PTCHD1: variants seen among roughly 807,000 people sequenced by gnomAD.
PTCHD1 encodes the protein patched domain-containing protein 1.
Under a neutral mutation model 34.6 loss-of-function variants are expected in PTCHD1, and 3 were observed. That is an observed-to-expected ratio of 0.09 (90% confidence interval 0.04 to 0.22). PTCHD1 has a LOEUF of 0.22. PTCHD1 is among the 10% of genes least tolerant of loss of function. The pLI, the probability that PTCHD1 is intolerant of heterozygous loss-of-function variation, is 1.00. For missense variants in PTCHD1, 504 were observed against 685.5 expected (o/e 0.74, Z 2.96); for synonymous variants, 305 against 283.1 (o/e 1.08, Z -0.77).
rs2146660946 is a variant in PTCHD1 at position 23,403,417 on chromosome X, T to C, written c.*9232T>C. On this transcript the variant is annotated 3_prime_UTR_variant, in exon 3 of 3. Coordinates refer to ENST00000379361, the MANE Select transcript of PTCHD1 (RefSeq NM_173495.3). ...ATAAAACCCTACTAGAAAAAAATAA[T>C]AGTCAAACCTAAAGCTTTAAAAAAT... The C allele has an allele frequency of 8.9e-6, 1 of 112,009 alleles. No homozygotes were observed. The highest frequency in any genetic ancestry group is 3.7e-4 in the South Asian group (1 of 2,687). The allele number at this position is 112,009 out of a possible 1,213,427, so 9.2% of individuals were successfully genotyped here.
At chrX:23,350,042 A>T (rs1191149871) in intron 1 of PTCHD1, among the ~76,000 whole-genome samples, 1 of 92,745 alleles carries the variant, frequency 1.1e-5, no homozygotes, top group Non-Finnish European at 2.1e-5. Context: ...GTTCTAGGAA[A>T]GCTCCCTTTA....
At position 23,347,215 on chromosome X, in the gene PTCHD1, A is replaced by T. The variant is rs186791940; in HGVS notation, c.351+11989A>T. 4.0e-3 allele frequency among the ~76,000 whole-genome samples: 450 copies of T among 112,176 alleles called. 2 individuals carry two copies. The highest frequency in any genetic ancestry group is 6.9e-3 in the Non-Finnish European group (368 of 53,252). ...GCACTACAGCCAGGGAAGGGAATAGAAGACAGGAAAAAACTATACCACTAG... is the reference window on the plus strand; with the variant it reads ...GCACTACAGCCAGGGAAGGGAATAGTAGACAGGAAAAAACTATACCACTAG... On this transcript the variant is annotated intron_variant, in intron 1 of 2. Transcript: ENST00000379361.
chrX:23,347,589 G>T (rs1445094866), intron 1 of PTCHD1, among the ~76,000 whole-genome samples: 4 of 112,233 alleles, frequency 3.6e-5, no homozygotes, highest in Non-Finnish European at 7.5e-5. Context: ...AACATGTCTA[G>T]CCTTGAAGAA....
Position 23,380,080 on chromosome X carries a change from A to T in PTCHD1, c.841A>T (p.Thr281Ser). The change falls in exon 2 of 3, where the codon ACC (threonine) becomes TCC (serine). Residue 281 changes from threonine (T) to serine (S), a missense_variant. Thr to Ser is a moderately conservative substitution (Grantham distance 58). Transcript: ENST00000379361. ...GGTCACCAGCCTGATTCTGGTGGTT[A>T]CCATGGCCATCCTGTGTTGCTCTAT... Reference protein sequence around the residue: ...YLVTSLILVVTMAILCCSMQD... With the variant: ...YLVTSLILVVSMAILCCSMQD... The T allele has an allele frequency of 4.1e-6, 5 of 1,212,066 alleles. No individual in the cohort carries two copies. Among genetic ancestry groups the T allele is most frequent in the Non-Finnish European group, 5.6e-6 (5 of 895,537 alleles).
intron 1 of PTCHD1, among the ~76,000 whole-genome samples, chrX:23,348,282 A>AAG (rs1415675477): frequency 9.1e-6 from 1 of 110,307 alleles, no homozygotes; most frequent in African/African-American, 3.3e-5. Flanking sequence ...AAAAAAAAAA[A>AAG]CCCAAACGGA....
chrX:23,358,523 G>C (rs1299498988), intron 1 of PTCHD1, among the ~76,000 whole-genome samples: 5 of 111,884 alleles, frequency 4.5e-5, no homozygotes, highest in Non-Finnish European at 7.5e-5. Flanking sequence ...ATTTGTTTGA[G>C]TTCATTGTAG....
chrX:23,341,403 C>T (rs890804096), intron 1 of PTCHD1, among the ~76,000 whole-genome samples: 4 of 112,505 alleles, frequency 3.6e-5, no homozygotes, highest in African/African-American at 1.3e-4. Context: ...TGTTTCCAGT[C>T]CCTTGGCACA....
At chrX:23,374,819 T>C (rs1922368700) in intron 1 of PTCHD1, among the ~76,000 whole-genome samples, 1 of 111,819 alleles carries the variant, frequency 8.9e-6, no homozygotes, top group Non-Finnish European at 1.9e-5. Flanking sequence ...CTTAGAATTA[T>C]GTAGTGTTAA....
chrX:23,391,979 C>G (rs1226922254), intron 2 of PTCHD1, among the ~76,000 whole-genome samples: 2 of 110,681 alleles, frequency 1.8e-5, no homozygotes, highest in African/African-American at 6.6e-5. Context: ...GCCTTAGCCT[C>G]CCAAGTAGCT....
At chrX:23,377,510 A>G (rs1164898177) in intron 1 of PTCHD1, among the ~76,000 whole-genome samples, 1 of 111,015 alleles carries the variant, frequency 9.0e-6, no homozygotes, top group African/African-American at 3.3e-5. Flanking sequence ...TTTGCTCACC[A>G]TTAATCCCAA....
At chrX:23,355,365 C>T (rs1921775024) in intron 1 of PTCHD1, among the ~76,000 whole-genome samples, 1 of 112,613 alleles carries the variant, frequency 8.9e-6, no homozygotes, top group South Asian at 3.6e-4. Flanking sequence ...AAATTGTGTG[C>T]AAAGCACCAT....
At chrX:23,371,376 C>T (rs1439492573) in intron 1 of PTCHD1, among the ~76,000 whole-genome samples, 1 of 111,490 alleles carries the variant, frequency 9.0e-6, no homozygotes, top group African/African-American at 3.3e-5. Flanking sequence ...GCTATGGAGG[C>T]ATTGTCAAGC....
At chrX:23,373,325 G>T (rs1398793801) in intron 1 of PTCHD1, among the ~76,000 whole-genome samples, 1 of 112,507 alleles carries the variant, frequency 8.9e-6, no homozygotes, top group African/African-American at 3.2e-5. Flanking sequence ...AACTCTCCCA[G>T]ACCTGCACTA....
chrX:23,375,687 C>G (rs1234132651), intron 1 of PTCHD1, among the ~76,000 whole-genome samples: 1 of 111,796 alleles, frequency 8.9e-6, no homozygotes, highest in Non-Finnish European at 1.9e-5. Context: ...AGAATCAGGT[C>G]TGCCCTTATT....
chrX:23,392,070 C>CTTTTTTTTTTT (rs1464413678), intron 2 of PTCHD1, among the ~76,000 whole-genome samples: 4 of 39,477 alleles, frequency 1.0e-4, no homozygotes, highest in African/African-American at 9.1e-4. Context: ...TTCTTTCTTT[C>CTTTTTTTTTTT]TTTCTTTTTT....
At chrX:23,392,074 C>CTTTCTTTTTTTTTTT (rs367570857) in intron 2 of PTCHD1, among the ~76,000 whole-genome samples, 16 of 52,349 alleles carry the variant, frequency 3.1e-4, no homozygotes, top group African/African-American at 2.0e-3. Context: ...TTCTTTCTTT[C>CTTTCTTTTTTTTTTT]TTTTTTTTTT....
intron 1 of PTCHD1, among the ~76,000 whole-genome samples, chrX:23,369,233 G>A (rs1922220469): frequency 9.0e-6 from 1 of 111,293 alleles, no homozygotes; most frequent in African/African-American, 3.3e-5. Flanking sequence ...TAAATATCTG[G>A]CATTCACTGG....
At chrX:23,340,597 T>C (rs1921281682) in intron 1 of PTCHD1, among the ~76,000 whole-genome samples, 1 of 112,403 alleles carries the variant, frequency 8.9e-6, no homozygotes, top group African/African-American at 3.2e-5. Flanking sequence ...CAGTGCTTTG[T>C]TGCCTATTCC....
intron 1 of PTCHD1, among the ~76,000 whole-genome samples, chrX:23,378,112 C>T (rs745561122): frequency 2.7e-5 from 3 of 112,081 alleles, no homozygotes; most frequent in Non-Finnish European, 3.8e-5. Flanking sequence ...TGTCACTGGC[C>T]TCATTTTGCA....
Sources: gnomAD v4.1 joint callset for allele counts (sites outside exome capture counted in the v4.1 genomes callset) on GRCh38, gnomAD v4.1.1 for gene constraint, MANE v1.5 for transcripts, NCBI Gene and HGNC (gene_info 2026-07-23, HGNC 2026-07-21) for gene names.